The following EPHB1 variants were observed in gnomAD, a reference collection of about 807,000 sequenced individuals.
EPHB1 encodes ephrin type-B receptor 1.
EPHB1 carries 30 observed loss-of-function variants against 94.4 expected under a neutral mutation model. The ratio of observed to expected loss-of-function variants is 0.32; its 90% CI spans 0.24 to 0.43. The LOEUF (loss-of-function observed/expected upper bound fraction) is 0.43. Ranked by LOEUF, EPHB1 falls within the 20% of genes least tolerant of loss-of-function variation. EPHB1 has a pLI of 1.00. For missense variants in EPHB1, 1,055 were observed against 1,308.3 expected (o/e 0.81, Z 2.99); for synonymous variants, 522 against 489.1 (o/e 1.07, Z -0.89).
intron 9 of EPHB1, among the ~76,000 whole-genome samples, chr3:135,172,354 C>T (rs528175843): frequency 6.6e-6 from 1 of 152,326 alleles, no homozygotes; most frequent in African/African-American, 2.4e-5. Context: ...ATTGTAAGTG[C>T]ACTGCTTCCT....
At chr3:135,031,821 G>A (rs995378322) in intron 3 of EPHB1, among the ~76,000 whole-genome samples, 2 of 152,070 alleles carry the variant, frequency 1.3e-5, no homozygotes, top group East Asian at 3.9e-4. Context: ...TCACTTCTCT[G>A]AAAATACAAT....
intron 2 of EPHB1, among the ~76,000 whole-genome samples, chr3:134,928,823 G>A (rs187587): frequency 0.56 from 85,149 of 152,002 alleles, 25,237 homozygotes; most frequent in African/African-American, 0.76. Context: ...ACCTGACCAG[G>A]AGACTGGGAA....
chr3:134,795,595 C>T lies in EPHB1; in HGVS notation c.-37C>T, dbSNP rs1435259817. 1 of 1,597,732 alleles carries T rather than the reference C, an allele frequency of 6.3e-7. No homozygotes were observed. Among genetic ancestry groups the T allele is most frequent in the Admixed American group, 1.7e-5 (1 of 59,042 alleles). Reference sequence around the variant, plus strand: ...CGCGGCGCTCTCCCGGCGCTGCTGCCTCGGCTTGGTCTCGGCCTGCGGGCC... The same window carrying T: ...CGCGGCGCTCTCCCGGCGCTGCTGCTTCGGCTTGGTCTCGGCCTGCGGGCC... On this transcript the variant is annotated 5_prime_UTR_variant, in exon 1 of 16. Transcript: ENST00000398015.
Position 135,082,486 on chromosome 3 carries a change from C to A in EPHB1, c.806-23962C>A, listed in dbSNP as rs867634148. 3.9e-5 allele frequency among the ~76,000 whole-genome samples: 6 copies of A among 152,302 alleles called. No individual in the cohort carries two copies. In the South Asian group the frequency reaches 1.2e-3, roughly 32 times the overall value. ...TGAGACTTAGAGGTTAGTGACTTGC[C>A]TGTGGTCACCACATAAGTCTTGAGA... is the stretch of plus-strand genomic sequence containing the variant. On this transcript the variant is annotated intron_variant, in intron 3 of 15. Coordinates refer to ENST00000398015, the MANE Select transcript of EPHB1 (RefSeq NM_004441.5).
At chr3:135,212,571 T>C (rs1056107108) in intron 12 of EPHB1, among the ~76,000 whole-genome samples, 2 of 152,210 alleles carry the variant, frequency 1.3e-5, no homozygotes, top group Non-Finnish European at 2.9e-5. Flanking sequence ...AGCTAGAAAA[T>C]TGGGAAAACT....
Position 135,166,939 on chromosome 3 carries a change from C to T in EPHB1, c.1695-3C>T. 4 of 1,614,002 alleles carry T rather than the reference C, an allele frequency of 2.5e-6. No homozygotes were observed. The highest frequency in any genetic ancestry group is 3.4e-6 in the Non-Finnish European group (4 of 1,179,922). On this transcript the variant is annotated splice_polypyrimidine_tract_variant and splice_region_variant and intron_variant, in intron 8 of 15. Transcript: ENST00000398015. ...CTGAGAGAGCCCCTCTTTTTATCCA[C>T]AGGAAACGGGCTTATAGCAAAGAGG...
chr3:135,022,192 G>A (rs532502413), intron 3 of EPHB1, among the ~76,000 whole-genome samples: 1 of 152,180 alleles, frequency 6.6e-6, no homozygotes, highest in African/African-American at 2.4e-5. Flanking sequence ...GGATGGTCTC[G>A]ATCTCCTGAC....
At position 135,166,937 on chromosome 3, in the gene EPHB1, C is replaced by T. The variant is rs1396636959; in HGVS notation, c.1695-5C>T. On this transcript the variant is annotated splice_polypyrimidine_tract_variant and splice_region_variant and intron_variant, in intron 8 of 15. Transcript: ENST00000398015. Reference sequence around the variant, plus strand: ...GGCTGAGAGAGCCCCTCTTTTTATCCACAGGAAACGGGCTTATAGCAAAGA... The same window carrying T: ...GGCTGAGAGAGCCCCTCTTTTTATCTACAGGAAACGGGCTTATAGCAAAGA... The T allele has an allele frequency of 2.5e-6, 4 of 1,613,826 alleles. No homozygotes were observed. The highest frequency in any genetic ancestry group is 2.2e-5 in the East Asian group (1 of 44,896).
intron 10 of EPHB1, among the ~76,000 whole-genome samples, chr3:135,181,413 T>G (rs1229630248): frequency 6.6e-6 from 1 of 152,218 alleles, no homozygotes; most frequent in African/African-American, 2.4e-5. Context: ...CCCCTTTAGA[T>G]GCTGACATAT....
At chr3:135,254,980 C>A (rs575789226) in intron 15 of EPHB1, among the ~76,000 whole-genome samples, 1 of 152,294 alleles carries the variant, frequency 6.6e-6, no homozygotes, top group Admixed American at 6.5e-5. Context: ...TCCATTTCTT[C>A]TTGATTTTCT....
intron 1 of EPHB1, among the ~76,000 whole-genome samples, chr3:134,879,813 CA>C (rs1275835494): frequency 6.8e-6 from 1 of 146,966 alleles, no homozygotes; most frequent in Non-Finnish European, 1.5e-5. Context: ...TCAAAATCAG[CA>C]AAATCAAATT....
rs1437206586 is a variant in EPHB1, at chr3:135,187,284, A to G, written c.1883-5292A>G. On this transcript the variant is annotated intron_variant, in intron 10 of 15. Transcript: ENST00000398015. ...GAATCAACCACAACCACTCCCCAGC[A>G]CAGTCGTTTCCTTTAAGCGTCTGTC... Among the ~76,000 whole-genome samples, 3 of 152,366 alleles carry G rather than the reference A, an allele frequency of 2.0e-5. No individual in the cohort carries two copies. The East Asian group carries it at 5.8e-4, about 29-fold the overall frequency.
intron 12 of EPHB1, among the ~76,000 whole-genome samples, chr3:135,238,682 T>A (rs1413445130): frequency 6.6e-6 from 1 of 152,162 alleles, no homozygotes; most frequent in Non-Finnish European, 1.5e-5. Flanking sequence ...TGTCTCCCAC[T>A]CTCACACACA....
chr3:135,103,027 C>T (rs1307746554), intron 3 of EPHB1, among the ~76,000 whole-genome samples: 1 of 152,008 alleles, frequency 6.6e-6, no homozygotes, highest in African/African-American at 2.4e-5. Flanking sequence ...CTAATGCATG[C>T]AGGGCTTAAA....
chr3:135,251,440 TTC>T (rs1933094102), intron 15 of EPHB1, among the ~76,000 whole-genome samples: 1 of 151,970 alleles, frequency 6.6e-6, no homozygotes, highest in East Asian at 1.9e-4. Context: ...TCTAAAAGAA[TTC>T]TCTTAGTCTG....
At chr3:134,827,356 TGC>T (rs1442576558) in intron 1 of EPHB1, among the ~76,000 whole-genome samples, 1 of 128,016 alleles carries the variant, frequency 7.8e-6, no homozygotes, top group Non-Finnish European at 1.7e-5. Context: ...TGTGCGCGGG[TGC>T]GCGTGCACAC....
intron 3 of EPHB1, among the ~76,000 whole-genome samples, chr3:135,053,149 A>C (rs1937242512): frequency 7.8e-6 from 1 of 128,374 alleles, no homozygotes; most frequent in African/African-American, 3.1e-5. Context: ...TAGATTTTAG[A>C]TGTTTCTAGG....
chr3:134,982,476 T>C (rs1048382517), intron 3 of EPHB1, among the ~76,000 whole-genome samples: 5 of 152,172 alleles, frequency 3.3e-5, no homozygotes, highest in African/African-American at 1.2e-4. Context: ...CAAATGCTTG[T>C]ATCCTGAGGA....
intron 1 of EPHB1, among the ~76,000 whole-genome samples, chr3:134,799,994 T>C (rs770668022): frequency 2.6e-5 from 4 of 152,146 alleles, no homozygotes; most frequent in Non-Finnish European, 5.9e-5. Flanking sequence ...CTTTAGTTGC[T>C]TGAATAAATT....
Sources: gnomAD v4.1 joint callset for allele counts (sites outside exome capture counted in the v4.1 genomes callset) on GRCh38, gnomAD v4.1.1 for gene constraint, MANE v1.5 for transcripts, NCBI Gene and HGNC (gene_info 2026-07-23, HGNC 2026-07-21) for gene names.